SGCZ: variants seen among roughly 807,000 people sequenced by gnomAD.
SGCZ encodes zeta-sarcoglycan.
A neutral mutation model predicts 41.3 loss-of-function variants in SGCZ; 40 were observed. The ratio of observed to expected loss-of-function variants is 0.97; its 90% CI spans 0.75 to 1.26. SGCZ has a LOEUF of 1.26. Ranked by LOEUF, SGCZ falls within the 50% of genes most tolerant of loss-of-function variation. The probability of loss-of-function intolerance (pLI) is 0.00; values close to 1 mark genes in which losing one functional copy is unlikely to be tolerated. For synonymous variants in SGCZ, 206 were observed against 137.5 expected (o/e 1.50, Z -3.49); for missense variants, 552 against 369.8 (o/e 1.49, Z -4.04).
At chr8:14,196,016 T>C (rs1805256361) in intron 4 of SGCZ, among the ~76,000 whole-genome samples, 1 of 152,130 alleles carries the variant, frequency 6.6e-6, no homozygotes, top group African/African-American at 2.4e-5. Context: ...ATTTAATCTA[T>C]TTAAAAATGA....
intron 1 of SGCZ, among the ~76,000 whole-genome samples, chr8:14,573,841 TG>T (rs1804631757): frequency 1.3e-5 from 2 of 152,040 alleles, no homozygotes; most frequent in South Asian, 4.1e-4. Flanking sequence ...AAATAAGAAA[TG>T]GAAGAGTTTT....
chr8:14,218,834 G>C (rs368966599), intron 4 of SGCZ, among the ~76,000 whole-genome samples: 1 of 152,164 alleles, frequency 6.6e-6, no homozygotes, highest in Non-Finnish European at 1.5e-5. Flanking sequence ...GGTCCAAGAA[G>C]TTTTGCCAAA....
At chr8:14,858,194 A>G (rs1803605468) in intron 1 of SGCZ, among the ~76,000 whole-genome samples, 1 of 151,984 alleles carries the variant, frequency 6.6e-6, no homozygotes, top group African/African-American at 2.4e-5. Context: ...TTGTGTATAT[A>G]TGTATACACA....
intron 1 of SGCZ, among the ~76,000 whole-genome samples, chr8:15,169,013 G>A (rs1040728832): frequency 6.6e-6 from 1 of 152,128 alleles, no homozygotes; most frequent in East Asian, 1.9e-4. Context: ...CCCTTGCCTT[G>A]TTTTGTTTTG....
intron 1 of SGCZ, among the ~76,000 whole-genome samples, chr8:14,707,775 T>A (rs1050631164): frequency 1.3e-5 from 2 of 152,172 alleles, no homozygotes; most frequent in Non-Finnish European, 2.9e-5. Flanking sequence ...TTGGACCATG[T>A]CTCATTCCTA....
chr8:14,450,605 T>C (rs1246191953), intron 2 of SGCZ, among the ~76,000 whole-genome samples: 2 of 152,208 alleles, frequency 1.3e-5, no homozygotes, highest in East Asian at 3.9e-4. Context: ...TGCTATTTTA[T>C]AGAATCAGAC....
intron 1 of SGCZ, among the ~76,000 whole-genome samples, chr8:14,732,632 G>T (rs1342530253): frequency 6.6e-6 from 1 of 152,182 alleles, no homozygotes; most frequent in Admixed American, 6.5e-5. Context: ...AGACTGAGCT[G>T]CTGTTTTCGT....
intron 1 of SGCZ, among the ~76,000 whole-genome samples, chr8:14,807,646 C>G (rs1801586944): frequency 6.6e-6 from 1 of 151,692 alleles, no homozygotes; most frequent in South Asian, 2.1e-4. Context: ...GTGAAAATGG[C>G]CATACTGCCC....
At chr8:15,237,262 G>A (rs1402267803) in intron 1 of SGCZ, among the ~76,000 whole-genome samples, 1 of 135,638 alleles carries the variant, frequency 7.4e-6, no homozygotes, top group African/African-American at 2.8e-5. Context: ...GCCCCCCCCG[G>A]GGAGACGAGC....
chr8:14,652,522 G>A (rs33977854), intron 1 of SGCZ, among the ~76,000 whole-genome samples: 40,361 of 151,820 alleles, frequency 0.27, 5,744 homozygotes, highest in South Asian at 0.49. Flanking sequence ...TAAATTCTAT[G>A]TATGCAGAGC....
rs1399114280 is a variant in SGCZ at position 15,161,282 on chromosome 8, G to T, written c.39+76303C>A. Among the ~76,000 whole-genome samples the T allele has an allele frequency of 2.6e-5, 4 of 151,844 alleles. 1 individual carries two copies. In the South Asian group the frequency reaches 8.3e-4, roughly 32 times the overall value. Reference sequence around the variant, plus strand: ...TCCCTTGTTTACCTCCCCTACTGTCGACTCTCCTGTAAGGTCTTTCCCAGG... The same window carrying T: ...TCCCTTGTTTACCTCCCCTACTGTCTACTCTCCTGTAAGGTCTTTCCCAGG... On this transcript the variant is annotated intron_variant, in intron 1 of 7. Coordinates refer to ENST00000382080, the MANE Select transcript of SGCZ (RefSeq NM_139167.4).
intron 1 of SGCZ, among the ~76,000 whole-genome samples, chr8:14,706,272 G>C (rs1329273346): frequency 6.6e-6 from 1 of 151,932 alleles, no homozygotes; most frequent in Admixed American, 6.6e-5. Context: ...ACAAAATCTA[G>C]TTCACGCTCT....
At chr8:15,015,242 T>TA (rs560507444) in intron 1 of SGCZ, among the ~76,000 whole-genome samples, 6,513 of 143,266 alleles carry the variant, frequency 0.045, 307 homozygotes, top group African/African-American at 0.12. Context: ...GACTCCATCT[T>TA]AAAAAAAAAA....
chr8:14,846,701 T>TA lies in SGCZ; in HGVS notation c.40-291776_40-291775insT, dbSNP rs1491349430. On this transcript the variant is annotated intron_variant, in intron 1 of 7. Transcript: ENST00000382080. ...GAATTTGTAGCTAAAACCCTTTAAA[T>TA]CCAAAAAAAAAAAAAAAAAAAAAAA... Among the ~76,000 whole-genome samples the TA allele has an allele frequency of 6.5e-3, 663 of 101,934 alleles. 2 individuals are homozygous for TA. Among genetic ancestry groups the TA allele is most frequent in the South Asian group, 0.021 (65 of 3,070 alleles). The allele number at this position is 101,934 out of a possible 152,430, so 66.9% of individuals were successfully genotyped here.
chr8:15,130,289 T>C (rs564981865), intron 1 of SGCZ, among the ~76,000 whole-genome samples: 1 of 152,226 alleles, frequency 6.6e-6, no homozygotes, highest in African/African-American at 2.4e-5. Context: ...GATGCCAATA[T>C]AGGGGGAAGC....
chr8:14,592,557 C>A (rs975425175), intron 1 of SGCZ, among the ~76,000 whole-genome samples: 6 of 151,470 alleles, frequency 4.0e-5, no homozygotes, highest in Non-Finnish European at 8.8e-5. Context: ...ATTATTGAGT[C>A]TTAAAACACC....
intron 1 of SGCZ, among the ~76,000 whole-genome samples, chr8:15,183,622 T>C (rs1371960884): frequency 6.6e-6 from 1 of 152,206 alleles, no homozygotes; most frequent in East Asian, 1.9e-4. Flanking sequence ...GCCAAAATGA[T>C]CCTATGACAT....
intron 1 of SGCZ, among the ~76,000 whole-genome samples, chr8:14,932,785 C>T (rs1458332877): frequency 6.6e-6 from 1 of 151,956 alleles, no homozygotes; most frequent in Non-Finnish European, 1.5e-5. Context: ...TTCTTGGTAA[C>T]ATTTTAATAA....
chr8:15,084,632 G>T (rs889177572), intron 1 of SGCZ, among the ~76,000 whole-genome samples: 14 of 152,036 alleles, frequency 9.2e-5, no homozygotes, highest in African/African-American at 3.4e-4. Context: ...CATGTCTGTA[G>T]TCCCAGCTAC....
Sources: allele counts gnomAD v4.1 joint callset (sites outside exome capture counted in the v4.1 genomes callset), GRCh38; gene constraint gnomAD v4.1.1; transcripts MANE v1.5; gene names NCBI Gene and HGNC (gene_info 2026-07-23, HGNC 2026-07-21).